Variants in RUNX1 observed in about 807,000 individuals in gnomAD.
The protein encoded by RUNX1 is RUNX family transcription factor 1, also known as runt-related transcription factor 1.
In RUNX1, 19 loss-of-function variants were observed where a neutral mutation model predicts 42.8. The observed-to-expected ratio is 0.44, with a 90% CI of 0.31 to 0.65. The LOEUF is 0.65. RUNX1 is among the 30% of genes least tolerant of loss of function. The probability of loss-of-function intolerance (pLI) is 0.07; values close to 1 mark genes in which losing one functional copy is unlikely to be tolerated. For missense variants in RUNX1, 528 were observed against 672.0 expected, an observed-to-expected ratio of 0.79 and a Z score of 2.37; for synonymous variants, 271 against 289.4, an observed-to-expected ratio of 0.94 and a Z score of 0.64.
rs2058177059 is a variant in RUNX1 at position 34,901,467 on chromosome 21, G to A, written c.59-8504C>T. 6.6e-6 allele frequency among the ~76,000 whole-genome samples: 1 copy of A among 151,980 alleles called. No homozygotes were observed. The highest frequency in any genetic ancestry group is 2.4e-5 in the African/African-American group (1 of 41,346). On this transcript the variant is annotated intron_variant, in intron 2 of 8. Coordinates refer to ENST00000675419, the MANE Select transcript of RUNX1 (RefSeq NM_001754.5). This position sits in a 1 kb window ranked among gnomAD's most constrained non-coding sequence, Gnocchi z 4.3. ...GGCGGAGGTTGCAGTGAGCTGAGAT[G>A]GCACCACTGCACTCCAACCTGGGGG...
At chr21:34,885,207 T>C (rs2057963199) in intron 4 of RUNX1, among the ~76,000 whole-genome samples, 2 of 152,132 alleles carry the variant, frequency 1.3e-5, no homozygotes, top group Non-Finnish European at 2.9e-5. Flanking sequence ...CCCTAGTGCA[T>C]TGGGGCAGCC....
chr21:34,932,727 G>A (rs1427594608), intron 2 of RUNX1, among the ~76,000 whole-genome samples: 1 of 140,606 alleles, frequency 7.1e-6, no homozygotes, highest in Non-Finnish European at 1.5e-5. Context: ...TTTTACCCCT[G>A]TTTGTTTCCC....
intron 2 of RUNX1, among the ~76,000 whole-genome samples, chr21:34,999,791 T>C (rs926194275): frequency 3.3e-5 from 5 of 152,216 alleles, no homozygotes; most frequent in African/African-American, 9.6e-5. Flanking sequence ...GTGTAAATCC[T>C]GGTCTTCCTC....
At chr21:34,845,047 A>G (rs915977490) in intron 6 of RUNX1, among the ~76,000 whole-genome samples, 2 of 152,206 alleles carry the variant, frequency 1.3e-5, no homozygotes, top group African/African-American at 4.8e-5. Context: ...ACTTCTATGC[A>G]CTGTTGTCCA....
At chr21:34,972,841 C>T (rs192371590) in intron 2 of RUNX1, among the ~76,000 whole-genome samples, 10 of 151,984 alleles carry the variant, frequency 6.6e-5, no homozygotes, top group East Asian at 1.9e-4. Context: ...ACTGGACCCA[C>T]GGGTTGGAGA....
At chr21:34,866,874 C>T (rs1339180080) in intron 5 of RUNX1, among the ~76,000 whole-genome samples, 1 of 152,206 alleles carries the variant, frequency 6.6e-6, no homozygotes, top group Non-Finnish European at 1.5e-5. Flanking sequence ...GGACTACCCT[C>T]AAAAGTCAGA....
intron 7 of RUNX1, among the ~76,000 whole-genome samples, chr21:34,815,895 A>AG (rs571642477): frequency 5.3e-5 from 8 of 152,258 alleles, no homozygotes; most frequent in African/African-American, 1.9e-4. Flanking sequence ...GGGAAAGGGC[A>AG]GGGGGGCTCA....
intron 7 of RUNX1, among the ~76,000 whole-genome samples, chr21:34,831,016 C>T (rs1220668954): frequency 6.6e-6 from 1 of 152,130 alleles, no homozygotes; most frequent in African/African-American, 2.4e-5. Flanking sequence ...TTTAAAATCA[C>T]TCACTCGGGT....
chr21:34,978,937 T>TATACACACACAC lies in RUNX1; in HGVS notation c.58+69904_58+69905insGTGTGTGTGTAT, dbSNP rs71319521. ...TTCTCAGACAAAACACACACACAGA[T>TATACACACACAC]ACACACACACACACACACACACACA... On this transcript the variant is annotated intron_variant, in intron 2 of 8. Coordinates refer to ENST00000675419, the MANE Select transcript of RUNX1 (RefSeq NM_001754.5). 1.1e-3 allele frequency among the ~76,000 whole-genome samples: 145 copies of TATACACACACAC among 134,146 alleles called. No homozygotes were observed. In the East Asian group the frequency reaches 0.015, roughly 14 times the overall value. The allele number at this position is 134,146 out of a possible 152,430, so 88.0% of individuals were successfully genotyped here. A position where few individuals can be genotyped will look rare whatever the true frequency, so the allele number is the denominator to read the frequency against.
chr21:34,930,262 G>GTGTA (rs2058430392), intron 2 of RUNX1, among the ~76,000 whole-genome samples: 1 of 77,670 alleles, frequency 1.3e-5, no homozygotes, highest in African/African-American at 7.2e-5. Context: ...TTATACGTGT[G>GTGTA]TGTGTATGTA....
At chr21:34,796,618 G>C (rs553817498) in intron 8 of RUNX1, among the ~76,000 whole-genome samples, 1 of 152,200 alleles carries the variant, frequency 6.6e-6, no homozygotes, top group Non-Finnish European at 1.5e-5. Flanking sequence ...TGCCATGACA[G>C]CTCAAGTCTT....
chr21:34,907,965 G>A lies in RUNX1; in HGVS notation c.59-15002C>T, dbSNP rs908719940. Among the ~76,000 whole-genome samples, 7 of 152,128 alleles carry A rather than the reference G, an allele frequency of 4.6e-5. No individual in the cohort carries two copies. Among genetic ancestry groups the A allele is most frequent in the East Asian group, 1.9e-4 (1 of 5,192 alleles). Reference sequence around the variant, plus strand: ...AAGTGAGTGGCTCTTCTAAGCTCCCGAAACAGTGGCTGATCTGGGACCCCC... The same window carrying A: ...AAGTGAGTGGCTCTTCTAAGCTCCCAAAACAGTGGCTGATCTGGGACCCCC... On this transcript the variant is annotated intron_variant, in intron 2 of 8. Transcript: ENST00000675419. The surrounding 1 kb of genome is among the most constrained non-coding windows in gnomAD (Gnocchi z 5.3).
chr21:34,897,874 G>C (rs537690235), intron 2 of RUNX1, among the ~76,000 whole-genome samples: 19 of 152,114 alleles, frequency 1.2e-4, no homozygotes, highest in African/African-American at 4.1e-4. Flanking sequence ...GAAAAAAAGA[G>C]ATTTTTTTTT....
At chr21:35,038,711 T>C (rs1293556912) in intron 2 of RUNX1, 4 of 455,512 alleles carry the variant, frequency 8.8e-6, no homozygotes, top group Non-Finnish European at 1.8e-5. Flanking sequence ...GAGCTTTGAA[T>C]CAGGAGTGAT....
chr21:34,936,934 G>A (rs904374359), intron 2 of RUNX1, among the ~76,000 whole-genome samples: 2 of 151,992 alleles, frequency 1.3e-5, no homozygotes, highest in Non-Finnish European at 2.9e-5. Context: ...TTTAAAAACT[G>A]AAAATGATTC....
At chr21:34,855,691 A>G (rs1382154296) in intron 6 of RUNX1, among the ~76,000 whole-genome samples, 3 of 152,228 alleles carry the variant, frequency 2.0e-5, no homozygotes, top group African/African-American at 7.2e-5. Context: ...CCTGGGCAAC[A>G]GAGTGAGACT....
intron 2 of RUNX1, among the ~76,000 whole-genome samples, chr21:34,983,233 A>T (rs1410005703): frequency 6.6e-6 from 1 of 152,234 alleles, no homozygotes; most frequent in Non-Finnish European, 1.5e-5. Flanking sequence ...GTTAAGCATT[A>T]GAAACTCGAA....
intron 2 of RUNX1, chr21:35,038,803 C>T (rs909627518): frequency 2.2e-6 from 1 of 453,008 alleles, no homozygotes; most frequent in African/African-American, 2.0e-5. Flanking sequence ...AGGGCTCCTT[C>T]CAGAGCTGAA....
chr21:35,016,384 C>T (rs1021132851), intron 2 of RUNX1, among the ~76,000 whole-genome samples: 1 of 152,116 alleles, frequency 6.6e-6, no homozygotes, highest in Non-Finnish European at 1.5e-5. Context: ...TTGAGTAAAG[C>T]TTTCTATTAA....
Sources: allele counts gnomAD v4.1 joint callset (sites outside exome capture counted in the v4.1 genomes callset), GRCh38; gene constraint gnomAD v4.1.1; non-coding constraint Gnocchi (gnomAD v3.1); transcripts MANE v1.5; gene names NCBI Gene and HGNC (gene_info 2026-07-23, HGNC 2026-07-21).